MRPS28: variants seen among roughly 807,000 people sequenced by gnomAD.
MRPS28 encodes mitochondrial ribosomal protein S28.
In MRPS28, 7 loss-of-function variants were observed where a neutral mutation model predicts 10.8. The observed-to-expected ratio is 0.65, with a 90% CI of 0.37 to 1.22. The LOEUF (loss-of-function observed/expected upper bound fraction) is 1.22. Ranked by LOEUF, MRPS28 falls within the 50% of genes most tolerant of loss-of-function variation. The pLI is 0.02. For missense variants in MRPS28, 265 were observed against 232.9 expected (o/e 1.14, Z -0.90); for synonymous variants, 121 against 93.3 (o/e 1.30, Z -1.71).
intron 2 of MRPS28, among the ~76,000 whole-genome samples, chr8:79,951,242 C>T (rs942463065): frequency 3.9e-5 from 6 of 152,196 alleles, no homozygotes; most frequent in Admixed American, 1.3e-4. Context: ...TAGGCTCACA[C>T]ACGGTCCCGA....
intron 2 of MRPS28, among the ~76,000 whole-genome samples, chr8:79,930,434 T>C (rs554209962): frequency 2.6e-5 from 4 of 152,348 alleles, no homozygotes; most frequent in African/African-American, 7.2e-5. Context: ...ATTCTATACG[T>C]TTGTAGAAGA....
intron 1 of MRPS28, among the ~76,000 whole-genome samples, chr8:80,007,488 G>A (rs941184900): frequency 6.6e-6 from 1 of 152,180 alleles, no homozygotes; most frequent in African/African-American, 2.4e-5. Context: ...AACTGTCCCT[G>A]TTTGCAGATG....
rs145564137 is a variant in MRPS28 at position 80,030,088 on chromosome 8, C to G, written c.161G>C (p.Ser54Thr). 22 of 1,611,366 alleles carry G rather than the reference C, an allele frequency of 1.4e-5. No homozygotes were observed. The Middle Eastern group carries it at 6.6e-4, about 48-fold the overall frequency. Residue 54 changes from serine (S) to threonine (T), a missense_variant, in exon 1 of 3, where the codon AGC (serine) becomes ACC (threonine). Coordinates refer to ENST00000276585, the MANE Select transcript of MRPS28 (RefSeq NM_014018.3). Reference protein sequence around the residue: ...EPKTRAGGFASALERHSELLQ... With the variant: ...EPKTRAGGFATALERHSELLQ... ...AAGCTCCGAGTGCCGCTCCAACGCG[C>G]TCGCGAAACCGCCTGCGCGCGTCTT...
intron 2 of MRPS28, among the ~76,000 whole-genome samples, chr8:79,961,533 T>C (rs935218950): frequency 7.9e-5 from 12 of 152,126 alleles, no homozygotes; most frequent in African/African-American, 2.2e-4. Context: ...TATTACTTTA[T>C]AGGAAAATAA....
intron 1 of MRPS28, among the ~76,000 whole-genome samples, chr8:80,013,977 A>G (rs1809129341): frequency 6.6e-6 from 1 of 152,214 alleles, no homozygotes; most frequent in African/African-American, 2.4e-5. Context: ...TAAACTCTCA[A>G]TATTGAAGAG....
intron 2 of MRPS28, among the ~76,000 whole-genome samples, chr8:79,940,307 A>G (rs75483985): frequency 2.9e-3 from 446 of 152,346 alleles, no homozygotes; most frequent in Non-Finnish European, 5.5e-3. Context: ...TAAATGAGGC[A>G]TTATTGTACA....
rs1389331012 is a variant in MRPS28 at position 80,017,595 on chromosome 8, A to G, written c.213+12441T>C. ...TAGGCCTATGTCTATTAAAGACATTAAATCAGTAATTAATATACTTCCAAA... is the reference window on the plus strand; with the variant it reads ...TAGGCCTATGTCTATTAAAGACATTGAATCAGTAATTAATATACTTCCAAA... On this transcript the variant is annotated intron_variant, in intron 1 of 2. Transcript: ENST00000276585. 2.0e-5 allele frequency among the ~76,000 whole-genome samples: 3 copies of G among 152,248 alleles called. No individual in the cohort carries two copies. In the East Asian group the frequency reaches 5.8e-4, roughly 29 times the overall value.
intron 2 of MRPS28, among the ~76,000 whole-genome samples, chr8:79,969,465 A>G (rs1807576388): frequency 6.6e-6 from 1 of 152,162 alleles, no homozygotes; most frequent in African/African-American, 2.4e-5. Flanking sequence ...TGTTATTATA[A>G]AACCAAAATT....
intron 1 of MRPS28, chr8:80,029,745 G>T: frequency 1.4e-6 from 2 of 1,464,832 alleles, no homozygotes; most frequent in Non-Finnish European, 1.8e-6. Flanking sequence ...CCCCAGCAGC[G>T]CTCCCCGCTG....
intron 2 of MRPS28, among the ~76,000 whole-genome samples, chr8:79,941,439 T>C (rs977667681): frequency 1.9e-5 from 2 of 107,844 alleles, no homozygotes; most frequent in South Asian, 7.2e-4. Context: ...TTGTACAATC[T>C]TAAAGCCAGA....
At chr8:79,980,206 T>C (rs1326008488) in intron 2 of MRPS28, among the ~76,000 whole-genome samples, 1 of 152,216 alleles carries the variant, frequency 6.6e-6, no homozygotes, top group Non-Finnish European at 1.5e-5. Flanking sequence ...GTAAGTACTA[T>C]CTTCAACCAC....
At chr8:79,968,298 A>G (rs536792165) in intron 2 of MRPS28, among the ~76,000 whole-genome samples, 1 of 152,306 alleles carries the variant, frequency 6.6e-6, no homozygotes, top group South Asian at 2.1e-4. Context: ...AGTCTCTAGT[A>G]AGTTCGTCAC....
At chr8:79,976,899 CT>C (rs1196748431) in intron 2 of MRPS28, among the ~76,000 whole-genome samples, 3 of 151,806 alleles carry the variant, frequency 2.0e-5, no homozygotes, top group Non-Finnish European at 2.9e-5. Context: ...TATTAATAAC[CT>C]TTAAGCCTAC....
chr8:79,987,483 A>G (rs1392867772), intron 2 of MRPS28, among the ~76,000 whole-genome samples: 4 of 152,152 alleles, frequency 2.6e-5, no homozygotes, highest in African/African-American at 9.6e-5. Flanking sequence ...ATCAGAGTGA[A>G]CAGGCAACCT....
chr8:80,000,854 C>T (rs1000193242), intron 2 of MRPS28, among the ~76,000 whole-genome samples: 16 of 152,122 alleles, frequency 1.1e-4, no homozygotes, highest in African/African-American at 3.4e-4. Flanking sequence ...AATTCTAGAT[C>T]TCTAAGGCAT....
intron 1 of MRPS28, among the ~76,000 whole-genome samples, chr8:80,014,088 A>C (rs1809133045): frequency 1.3e-5 from 2 of 152,214 alleles, no homozygotes; most frequent in African/African-American, 4.8e-5. Context: ...AAGAAGAAGA[A>C]GCTGTGAAAA....
intron 2 of MRPS28, among the ~76,000 whole-genome samples, chr8:79,981,928 G>A (rs760298103): frequency 7.2e-5 from 11 of 152,128 alleles, no homozygotes; most frequent in Non-Finnish European, 1.3e-4. Context: ...AAAGGAACAC[G>A]AAGTATTCTA....
At chr8:79,922,376 G>T (rs1006727012) in intron 2 of MRPS28, among the ~76,000 whole-genome samples, 1 of 152,040 alleles carries the variant, frequency 6.6e-6, no homozygotes, top group Non-Finnish European at 1.5e-5. Flanking sequence ...ATTTCAGTTA[G>T]ATAGGAGGAG....
Position 79,925,293 on chromosome 8 carries a change from C to T in MRPS28, c.396-6145G>A, listed in dbSNP as rs189835981. ...CTTAAAAATACTATCTAGACTGTGC[C>T]TACCATGAGGCCAAATAATATGTAT... On this transcript the variant is annotated intron_variant, in intron 2 of 2. Transcript: ENST00000276585. 1.1e-3 allele frequency among the ~76,000 whole-genome samples: 164 copies of T among 151,906 alleles called. 2 individuals carry two copies. Among genetic ancestry groups the T allele is most frequent in the African/African-American group, 3.7e-3 (152 of 41,422 alleles).
Sources: gnomAD v4.1 joint callset for allele counts (sites outside exome capture counted in the v4.1 genomes callset) on GRCh38, gnomAD v4.1.1 for gene constraint, MANE v1.5 for transcripts, NCBI Gene and HGNC (gene_info 2026-07-23, HGNC 2026-07-21) for gene names.